The following PDE6B variants were observed in gnomAD, a reference collection of about 807,000 sequenced individuals.
PDE6B encodes the protein rod cGMP-specific 3',5'-cyclic phosphodiesterase subunit beta.
Under a neutral mutation model 109.0 loss-of-function variants are expected in PDE6B, and 106 were observed. The ratio of observed to expected loss-of-function variants is 0.97; its 90% CI spans 0.83 to 1.14. PDE6B has a LOEUF of 1.14. PDE6B is among the 50% of genes most tolerant of loss of function. PDE6B has a pLI of 0.00. For synonymous variants in PDE6B, 490 were observed against 471.3 expected, an observed-to-expected ratio of 1.04 and a Z score of -0.51; for missense variants, 1,193 against 1,155.6, an observed-to-expected ratio of 1.03 and a Z score of -0.47.
At chr4:637,545 CCT>C (rs1734749832) in intron 3 of PDE6B, among the ~76,000 whole-genome samples, 1 of 152,168 alleles carries the variant, frequency 6.6e-6, no homozygotes, top group Non-Finnish European at 1.5e-5. Context: ...AATGGATGCC[CCT>C]GTCTCATTGT....
At position 626,391 on chromosome 4, in the gene PDE6B, T is replaced by A. The variant is rs1734105656; in HGVS notation, c.468+297T>A. 6.6e-6 allele frequency among the ~76,000 whole-genome samples: 1 copy of A among 152,190 alleles called. No individual in the cohort carries two copies. Among genetic ancestry groups the A allele is most frequent in the Non-Finnish European group, 1.5e-5 (1 of 68,030 alleles). ...CAGGCTCAAACCGGGGTGCCCCTGA[T>A]TCTGCATCCACATCCCATGGTGGGG... is the stretch of plus-strand genomic sequence containing the variant. On this transcript the variant is annotated intron_variant, in intron 1 of 21. Transcript: ENST00000496514. The surrounding 1 kb of genome is among the most constrained non-coding windows in gnomAD (Gnocchi z 4.6).
At chr4:668,125 C>A in intron 21 of PDE6B, 119 bp downstream of exon 21, 1 of 1,024,490 alleles carries the variant, frequency 9.8e-7, no homozygotes, top group Non-Finnish European at 1.4e-6. Context: ...CAAGAAGCCT[C>A]GAGGTGGACA....
At chr4:656,843 C>G (rs1044653676) in intron 8 of PDE6B, 31 bp from the exon 9 acceptor site, 4 of 1,611,058 alleles carry the variant, frequency 2.5e-6, no homozygotes, top group South Asian at 2.2e-5. Context: ...AGCCTCAGGG[C>G]GGAGCTCAGC....
intron 1 of PDE6B, among the ~76,000 whole-genome samples, chr4:628,150 CA>C (rs111349632): frequency 0.024 from 3,625 of 152,186 alleles, 145 homozygotes; most frequent in African/African-American, 0.084. Context: ...GAATTGCCAC[CA>C]AAAAAAGCAA....
chr4:646,462 T>G (rs1735204867), intron 3 of PDE6B, among the ~76,000 whole-genome samples: 1 of 152,042 alleles, frequency 6.6e-6, no homozygotes, highest in South Asian at 2.1e-4. Context: ...CATTTGTCTT[T>G]TTTGACAGTC....
chr4:664,832 T>C (rs1478750731), intron 17 of PDE6B, 49 bp from the exon 18 acceptor site: 1 of 1,432,960 alleles, frequency 7.0e-7, no homozygotes, highest in Non-Finnish European at 9.8e-7. Flanking sequence ...ATAAACCACC[T>C]GCCCTCAGGA....
chr4:626,014 A>G lies in PDE6B; in HGVS notation c.388A>G (p.Ile130Val). The G allele has an allele frequency of 6.3e-7, 1 of 1,592,222 alleles. No individual in the cohort carries two copies. Among genetic ancestry groups the G allele is most frequent in the Non-Finnish European group, 8.5e-7 (1 of 1,170,094 alleles). ...EDCLVPPDSE[I>V]VFPLDIGVVG... ...CTGCCTGGTGCCCCCCGACTCCGAG[A>G]TCGTCTTCCCACTGGACATCGGGGT... Residue 130 changes from isoleucine (I) to valine (V), a missense_variant, in exon 1 of 22, where the codon ATC becomes GTC. Ile to Val is a conservative substitution (Grantham distance 29). Coordinates refer to ENST00000496514, the MANE Select transcript of PDE6B (RefSeq NM_000283.4). This position sits in a 1 kb window ranked among gnomAD's most constrained non-coding sequence, Gnocchi z 4.6.
At chr4:650,649 A>G (rs10027866) in intron 3 of PDE6B, among the ~76,000 whole-genome samples, 31,903 of 152,090 alleles carry the variant, frequency 0.21, 4,050 homozygotes, top group African/African-American at 0.35. Flanking sequence ...AACAGCTCCG[A>G]CACCCACACA....
chr4:663,007 AAAAG>A lies in PDE6B; in HGVS notation c.1833-88_1833-85del, dbSNP rs1183678157. ...GACAGAGGCAGACCCTGTCTCAAAA[AAAAG>A]AAAGTGGGGCCCATCTGGGGGGGCT... On this transcript the variant is annotated intron_variant, in intron 14 of 21. Transcript: ENST00000496514. This position sits in a 1 kb window ranked among gnomAD's most constrained non-coding sequence, Gnocchi z 4.0. 27 of 795,550 alleles carry A rather than the reference AAAAG, an allele frequency of 3.4e-5. No individual in the cohort carries two copies. In the Admixed American group the frequency reaches 4.2e-4, roughly 12 times the overall value. 49.3% of individuals were successfully genotyped at this position (795,550 alleles called of 1,614,324 possible). A position where few individuals can be genotyped will look rare whatever the true frequency, so the allele number is the denominator to read the frequency against.
intron 3 of PDE6B, among the ~76,000 whole-genome samples, chr4:647,936 G>A (rs781465898): frequency 3.3e-5 from 5 of 151,920 alleles, no homozygotes; most frequent in Admixed American, 6.5e-5. Flanking sequence ...TTAGCTGGGC[G>A]TGGTGGTGCA....
chr4:628,559 C>T (rs1370123628), intron 1 of PDE6B, among the ~76,000 whole-genome samples: 8 of 152,368 alleles, frequency 5.3e-5, no homozygotes, highest in Middle Eastern at 3.4e-3. Context: ...CTGAGCACAG[C>T]GGGCCCTGAG....
At chr4:640,054 C>T (rs1734873491) in intron 3 of PDE6B, among the ~76,000 whole-genome samples, 1 of 151,962 alleles carries the variant, frequency 6.6e-6, no homozygotes, top group African/African-American at 2.4e-5. Context: ...CTCTACAGGC[C>T]CAGCACTTTG....
Position 666,525 on chromosome 4 carries a change from C to CA in PDE6B, c.2269-5dup. 1.9e-6 allele frequency: 3 copies of CA among 1,607,586 alleles called. No individual in the cohort carries two copies. The highest frequency in any genetic ancestry group is 2.6e-6 in the Non-Finnish European group (3 of 1,174,430). ...CTGTTCTCCCGCCCTCTGTTCCTCC[C>CA]ACCAGCCTATGATGGACCGGAACAA... On this transcript the variant is annotated splice_region_variant and splice_polypyrimidine_tract_variant and intron_variant, in intron 19 of 21. Transcript: ENST00000496514. This position sits in a 1 kb window ranked among gnomAD's most constrained non-coding sequence, Gnocchi z 5.6.
intron 3 of PDE6B, among the ~76,000 whole-genome samples, chr4:647,492 G>A (rs1051664084): frequency 1.3e-5 from 2 of 152,054 alleles, no homozygotes; most frequent in African/African-American, 4.8e-5. Flanking sequence ...CTGAGACAGT[G>A]GGCATTCGTT....
In PDE6B at chr4:670,463, G is replaced by A. The variant is rs374557720; in HGVS notation, c.*356G>A. 7 of 284,822 alleles carry A rather than the reference G, an allele frequency of 2.5e-5. No individual in the cohort carries two copies. Among genetic ancestry groups the A allele is most frequent in the Non-Finnish European group, 3.4e-5 (5 of 145,690 alleles). 17.6% of individuals were successfully genotyped at this position (284,822 alleles called of 1,614,324 possible). ...TCACCATATTGGGCAGGCTGGTCTC[G>A]AACTCCTGACCTCAGGTGATCACCC... On this transcript the variant is annotated 3_prime_UTR_variant, in exon 22 of 22. Coordinates refer to ENST00000496514, the MANE Select transcript of PDE6B (RefSeq NM_000283.4).
chr4:664,918 A>G lies in PDE6B; in HGVS notation c.2167A>G (p.Thr723Ala). 1 of 1,613,308 alleles carries G rather than the reference A, an allele frequency of 6.2e-7. No homozygotes were observed. Residue 723 changes from threonine to alanine, a missense_variant, in exon 18 of 22, where the codon ACC becomes GCC. By Grantham distance (58) the Thr-to-Ala change is moderately conservative. Coordinates refer to ENST00000496514, the MANE Select transcript of PDE6B (RefSeq NM_000283.4). ...MMTACDLSAI[T>A]KPWEVQSKVA... ...GACAGCCTGCGACCTGTCTGCCATC[A>G]CCAAGCCCTGGGAAGTCCAGAGCAA...
rs1367005062 is a variant in PDE6B at position 657,210 on chromosome 4, G to A, written c.1258-141G>A. 2.2e-5 allele frequency: 25 copies of A among 1,160,062 alleles called. No homozygotes were observed. The Admixed American group carries it at 2.8e-4, about 13-fold the overall frequency. 71.9% of individuals were successfully genotyped at this position (1,160,062 alleles called of 1,614,324 possible). On this transcript the variant is annotated intron_variant, in intron 9 of 21. Coordinates refer to ENST00000496514, the MANE Select transcript of PDE6B (RefSeq NM_000283.4). Reference sequence around the variant, plus strand: ...AGCAGGAGCCTCTGCAGAGCACCCGGGAGACCCCACACAGAAGCACTGCGA... The same window carrying A: ...AGCAGGAGCCTCTGCAGAGCACCCGAGAGACCCCACACAGAAGCACTGCGA...
chr4:664,010 C>T (rs1414600483), intron 16 of PDE6B, 104 bp from the exon 17 acceptor site: 13 of 1,139,682 alleles, frequency 1.1e-5, no homozygotes, highest in Non-Finnish European at 1.7e-5. Flanking sequence ...CCGCGCACCC[C>T]GGATGGGGCC....
Position 653,895 on chromosome 4 carries a change from AC to A in PDE6B, c.756del (p.Asp252GlufsTer29), listed in dbSNP as rs1360639709. On this transcript the variant is annotated frameshift_variant, in exon 4 of 22. Coordinates refer to ENST00000496514, the MANE Select transcript of PDE6B (RefSeq NM_000283.4). LOFTEE classifies it high-confidence loss of function. Reference sequence around the variant, plus strand: ...AACAAGGTGTTTGAGGAGCTGACGGACATCGAGAGGCAGTTCCACAAGGCCT... The same window carrying A: ...AACAAGGTGTTTGAGGAGCTGACGGAATCGAGAGGCAGTTCCACAAGGCCT... The part of the protein sequence containing the change: ...SANKVFEELT[D>X]IERQFHKAFY... The A allele has an allele frequency of 1.9e-6, 3 of 1,613,696 alleles. No homozygotes were observed. In the African/African-American group the frequency reaches 4.0e-5, roughly 22 times the overall value.
Sources: gnomAD v4.1 joint callset for allele counts (sites outside exome capture counted in the v4.1 genomes callset) on GRCh38, gnomAD v4.1.1 for gene constraint, Gnocchi (gnomAD v3.1) non-coding constraint, MANE v1.5 for transcripts, NCBI Gene and HGNC (gene_info 2026-07-23, HGNC 2026-07-21) for gene names.